The following RASA3 variants were observed in gnomAD, a reference collection of about 807,000 sequenced individuals.
RASA3 encodes the protein ras GTPase-activating protein 3.
Under a neutral mutation model 110.0 loss-of-function variants are expected in RASA3, and 73 were observed. The observed-to-expected ratio is 0.66, with a 90% CI of 0.55 to 0.81. The LOEUF (loss-of-function observed/expected upper bound fraction) is 0.81. Ranked by LOEUF, RASA3 falls within the 30% of genes least tolerant of loss-of-function variation. The pLI is 0.00. For synonymous variants in RASA3, 500 were observed against 451.4 expected, an observed-to-expected ratio of 1.11 and a Z score of -1.37; for missense variants, 976 against 1,113.2, an observed-to-expected ratio of 0.88 and a Z score of 1.75.
intron 1 of RASA3, among the ~76,000 whole-genome samples, chr13:114,111,549 C>G (rs1197485242): frequency 8.6e-6 from 1 of 116,618 alleles, no homozygotes; most frequent in Non-Finnish European, 2.0e-5. Flanking sequence ...CGAGTTCTAA[C>G]GGGCTGAGCC....
At chr13:114,129,939 C>T (rs919519322) in intron 1 of RASA3, among the ~76,000 whole-genome samples, 20 of 152,184 alleles carry the variant, frequency 1.3e-4, no homozygotes, top group Non-Finnish European at 2.4e-4. Flanking sequence ...CCTTCAAGAC[C>T]AGGGACTCAG....
intron 22 of RASA3, among the ~76,000 whole-genome samples, chr13:113,988,757 C>G (rs1351559598): frequency 2.6e-5 from 3 of 117,344 alleles, no homozygotes; most frequent in Non-Finnish European, 5.2e-5. Context: ...ATCACTCACC[C>G]TTTGGTCCAT....
In RASA3 at chr13:114,014,771, C is replaced by A. The variant is rs1189660331; in HGVS notation, c.1405+438G>T. On this transcript the variant is annotated intron_variant, in intron 14 of 23. Coordinates refer to ENST00000334062, the MANE Select transcript of RASA3 (RefSeq NM_007368.4). The surrounding 1 kb of genome is among the most constrained non-coding windows in gnomAD (Gnocchi z 4.5). ...ACACGGGCAGGCAGAGCCCCCAACA[C>A]CACTCTGGGCCCTGCCAGGGTCGGC... 6.6e-6 allele frequency among the ~76,000 whole-genome samples: 1 copy of A among 152,142 alleles called. No individual in the cohort carries two copies. The highest frequency in any genetic ancestry group is 1.9e-4 in the East Asian group (1 of 5,190).
intron 7 of RASA3, among the ~76,000 whole-genome samples, chr13:114,024,881 C>A (rs2053998860): frequency 1.3e-5 from 2 of 151,900 alleles, no homozygotes; most frequent in Admixed American, 1.3e-4. Flanking sequence ...GACGCTGCTA[C>A]CTTCCTCCTG....
At position 114,018,256 on chromosome 13, in the gene RASA3, C is replaced by A. The variant is rs753895678; in HGVS notation, c.943-4G>T. ...GGGCCGCAGACGCTGACACGGGCTG[C>A]GGGGAGGGGTGAGGTCAGTGCCAGG... On this transcript the variant is annotated splice_region_variant and splice_polypyrimidine_tract_variant and intron_variant, in intron 10 of 23. Transcript: ENST00000334062. The A allele has an allele frequency of 1.9e-5, 29 of 1,549,738 alleles. No homozygotes were observed. Among genetic ancestry groups the A allele is most frequent in the Non-Finnish European group, 2.5e-5 (29 of 1,147,166 alleles).
In RASA3 at chr13:114,011,812, C is replaced by G. The variant is rs1370388873; in HGVS notation, c.1513-564G>C. ...TGGCGCACGTCTGTAATCCAAGCTACTAGGGAGGCTGACGCACGAGAATTG... is the reference window on the plus strand; with the variant it reads ...TGGCGCACGTCTGTAATCCAAGCTAGTAGGGAGGCTGACGCACGAGAATTG... On this transcript the variant is annotated intron_variant, in intron 15 of 23. Transcript: ENST00000334062. This position sits in a 1 kb window ranked among gnomAD's most constrained non-coding sequence, Gnocchi z 4.8. Among the ~76,000 whole-genome samples the G allele has an allele frequency of 6.6e-6, 1 of 152,042 alleles. No individual in the cohort carries two copies. Among genetic ancestry groups the G allele is most frequent in the East Asian group, 1.9e-4 (1 of 5,182 alleles).
intron 22 of RASA3, among the ~76,000 whole-genome samples, chr13:113,983,868 C>T (rs12870420): frequency 7.7e-6 from 1 of 129,376 alleles, no homozygotes; most frequent in Non-Finnish European, 1.8e-5. Flanking sequence ...GACCCTGAAG[C>T]GGGTAGGGCC....
At chr13:113,990,392 G>A (rs778029619) in intron 22 of RASA3, among the ~76,000 whole-genome samples, 1 of 152,222 alleles carries the variant, frequency 6.6e-6, no homozygotes, top group Non-Finnish European at 1.5e-5. Flanking sequence ...AGGAGGAGCT[G>A]AGCAAGGTTG....
intron 1 of RASA3, among the ~76,000 whole-genome samples, chr13:114,132,053 G>A (rs915961698): frequency 6.6e-6 from 1 of 152,036 alleles, no homozygotes; most frequent in Non-Finnish European, 1.5e-5. Flanking sequence ...GACACCTGAA[G>A]TGCAGGCGCC....
intron 15 of RASA3, among the ~76,000 whole-genome samples, chr13:114,012,872 A>G (rs2053670555): frequency 7.5e-6 from 1 of 133,732 alleles, no homozygotes; most frequent in Admixed American, 7.5e-5. Context: ...CTCATTCCAC[A>G]CACACTCCCC....
chr13:113,998,654 G>C (rs943630288), intron 20 of RASA3, among the ~76,000 whole-genome samples: 4 of 152,216 alleles, frequency 2.6e-5, no homozygotes, highest in East Asian at 1.9e-4. Context: ...GTGACGCCAC[G>C]GACACCTCTA....
At chr13:114,009,873 C>T (rs990036182) in intron 16 of RASA3, among the ~76,000 whole-genome samples, 1 of 152,224 alleles carries the variant, frequency 6.6e-6, no homozygotes, top group Non-Finnish European at 1.5e-5. Flanking sequence ...AAGGGCCGCT[C>T]TGAGGTGGGA....
chr13:113,992,105 CAT>C (rs1346776736), intron 22 of RASA3, among the ~76,000 whole-genome samples: 1 of 152,206 alleles, frequency 6.6e-6, no homozygotes, highest in Admixed American at 6.5e-5. Context: ...CATGCCTACA[CAT>C]ATGCACACAT....
intron 12 of RASA3, 130 bp from the exon 13 acceptor site, chr13:114,016,401 C>A: frequency 1.4e-6 from 1 of 700,880 alleles, no homozygotes; most frequent in East Asian, 3.0e-5. Flanking sequence ...CGACAGCTCC[C>A]CGAACCCGGC....
At chr13:114,064,139 G>A (rs2079406955) in intron 2 of RASA3, among the ~76,000 whole-genome samples, 1 of 152,216 alleles carries the variant, frequency 6.6e-6, no homozygotes, top group African/African-American at 2.4e-5. Context: ...ACCAGTGGGT[G>A]ACTATGGACC....
intron 1 of RASA3, among the ~76,000 whole-genome samples, chr13:114,104,938 A>G (rs1311701223): frequency 6.8e-6 from 1 of 146,706 alleles, no homozygotes; most frequent in African/African-American, 2.5e-5. Context: ...CGTTCACCTG[A>G]GCATTGCCCA....
At position 114,013,242 on chromosome 13, in the gene RASA3, G is replaced by A. The variant is rs769859070; in HGVS notation, c.1412C>T (p.Pro471Leu). The A allele has an allele frequency of 1.9e-5, 31 of 1,611,032 alleles. No individual in the cohort carries two copies. The highest frequency in any genetic ancestry group is 1.6e-4 in the Middle Eastern group (1 of 6,072). ...EAAAKRFQDD[P>L]DVRYTAVSSF... The stretch of plus-strand genomic sequence containing the variant: ...GCTCACTGCAGTGTACCTGACGTCC[G>A]GGTCATCTGCGGGAGAGAGAAGCAG... The change falls in exon 15 of 24, where the codon CCG becomes CTG. Residue 471 changes from proline to leucine, a missense_variant. Coordinates refer to ENST00000334062, the MANE Select transcript of RASA3 (RefSeq NM_007368.4).
Position 114,115,244 on chromosome 13 carries a change from C to T in RASA3, c.55+17191G>A, listed in dbSNP as rs1488872791. Among the ~76,000 whole-genome samples the T allele has an allele frequency of 6.6e-6, 1 of 152,228 alleles. No individual in the cohort carries two copies. The highest frequency in any genetic ancestry group is 3.2e-3 in the Middle Eastern group (1 of 316). ...GGTAACATGTTTACGGTCCCTGTGCCGCCGTGCGGTAGCAGTTTTCCCGAG... is the reference window on the plus strand; with the variant it reads ...GGTAACATGTTTACGGTCCCTGTGCTGCCGTGCGGTAGCAGTTTTCCCGAG... On this transcript the variant is annotated intron_variant, in intron 1 of 23. Transcript: ENST00000334062. This position sits in a 1 kb window ranked among gnomAD's most constrained non-coding sequence, Gnocchi z 5.0.
At chr13:114,030,841 CTG>C (rs1328580275) in intron 4 of RASA3, among the ~76,000 whole-genome samples, 4 of 151,478 alleles carry the variant, frequency 2.6e-5, no homozygotes, top group South Asian at 2.1e-4. Context: ...GTGTGTGCAG[CTG>C]TGTGTCCTCC....
Sources: allele counts gnomAD v4.1 joint callset (sites outside exome capture counted in the v4.1 genomes callset), GRCh38; gene constraint gnomAD v4.1.1; non-coding constraint Gnocchi (gnomAD v3.1); transcripts MANE v1.5; gene names NCBI Gene and HGNC (gene_info 2026-07-23, HGNC 2026-07-21).